The following GPR176 variants were observed in gnomAD, a reference collection of about 807,000 sequenced individuals.
GPR176 encodes the protein G protein-coupled receptor 176.
A neutral mutation model predicts 35.4 loss-of-function variants in GPR176; 26 were observed. The ratio of observed to expected loss-of-function variants is 0.74; its 90% CI spans 0.54 to 1.02. The LOEUF (loss-of-function observed/expected upper bound fraction) is 1.02, where lower values mean the gene tolerates loss of function less well. GPR176 is among the 50% of genes least tolerant of loss of function. The pLI is 0.00. For synonymous variants in GPR176, 278 were observed against 271.3 expected, an observed-to-expected ratio of 1.02 and a Z score of -0.24; for missense variants, 597 against 665.3, an observed-to-expected ratio of 0.90 and a Z score of 1.13.
intron 1 of GPR176, among the ~76,000 whole-genome samples, chr15:39,833,320 T>TA (rs1566944874): frequency 6.6e-6 from 1 of 151,898 alleles, no homozygotes; most frequent in Admixed American, 6.6e-5. Context: ...TTAAAAGGAA[T>TA]AAAAAAGAAT....
At chr15:39,816,110 G>A (rs1293850679) in intron 1 of GPR176, among the ~76,000 whole-genome samples, 2 of 152,184 alleles carry the variant, frequency 1.3e-5, no homozygotes, top group African/African-American at 4.8e-5. Context: ...AATCATAGAA[G>A]CAGAGTGTAG....
intron 1 of GPR176, among the ~76,000 whole-genome samples, chr15:39,861,615 C>T (rs2031593401): frequency 6.6e-6 from 1 of 151,932 alleles, no homozygotes; most frequent in Non-Finnish European, 1.5e-5. Context: ...CCTGGCTTTG[C>T]AAGATAAATC....
At chr15:39,894,501 AG>A (rs2033029410) in intron 1 of GPR176, 1 of 173,944 alleles carries the variant, frequency 5.7e-6, no homozygotes. Flanking sequence ...CTCACTTCTC[AG>A]AGGGGGCGGC....
chr15:39,894,286 C>T (rs1184870774), intron 1 of GPR176, among the ~76,000 whole-genome samples: 11 of 106,434 alleles, frequency 1.0e-4, no homozygotes, highest in Non-Finnish European at 1.4e-4. Context: ...CCCTCCCGGA[C>T]GGGGCGGCTG....
chr15:39,869,732 C>T (rs1294380149), intron 1 of GPR176, among the ~76,000 whole-genome samples: 1 of 152,112 alleles, frequency 6.6e-6, no homozygotes, highest in Non-Finnish European at 1.5e-5. Context: ...CAATATTAAT[C>T]CTTTACCCCA....
At chr15:39,841,699 T>C (rs2030003713) in intron 1 of GPR176, among the ~76,000 whole-genome samples, 1 of 152,138 alleles carries the variant, frequency 6.6e-6, no homozygotes, top group Admixed American at 6.5e-5. Flanking sequence ...CCTACAGAAC[T>C]GTGAGATAAT....
chr15:39,842,749 A>G (rs1200536899), intron 1 of GPR176, among the ~76,000 whole-genome samples: 1 of 152,050 alleles, frequency 6.6e-6, no homozygotes, highest in Non-Finnish European at 1.5e-5. Flanking sequence ...TATGAGAAAT[A>G]AATTTCTGTT....
Position 39,817,832 on chromosome 15 carries a change from T to C in GPR176, c.173-10574A>G, listed in dbSNP as rs184260745. ...GTGGAGCAGGGAGTATGACGGCGGG[T>C]GGGGAACCAACATTAAACAACTGAG... is the stretch of plus-strand genomic sequence containing the variant. On this transcript the variant is annotated intron_variant, in intron 1 of 2. Coordinates refer to ENST00000561100, the MANE Select transcript of GPR176 (RefSeq NM_007223.3). Among the ~76,000 whole-genome samples the C allele has an allele frequency of 2.9e-3, 437 of 152,250 alleles. 3 individuals are homozygous for C. The highest frequency in any genetic ancestry group is 1.0e-2 in the African/African-American group (415 of 41,556).
intron 1 of GPR176, among the ~76,000 whole-genome samples, chr15:39,868,737 G>C (rs1283372234): frequency 1.3e-5 from 2 of 152,094 alleles, no homozygotes; most frequent in Non-Finnish European, 2.9e-5. Flanking sequence ...TGAAATGTGG[G>C]GGACAGACCA....
At chr15:39,916,346 T>C (rs1313396803) in intron 1 of GPR176, among the ~76,000 whole-genome samples, 2 of 152,200 alleles carry the variant, frequency 1.3e-5, no homozygotes, top group Non-Finnish European at 2.9e-5. Context: ...CAAGATGTTG[T>C]ATAAAGAAGG....
At chr15:39,844,327 G>A (rs557988568) in intron 1 of GPR176, among the ~76,000 whole-genome samples, 7 of 152,108 alleles carry the variant, frequency 4.6e-5, no homozygotes, top group African/African-American at 7.2e-5. Context: ...GCTCCCAGAC[G>A]GTCTTGAAAA....
At chr15:39,881,083 C>A (rs1207478672) in intron 1 of GPR176, among the ~76,000 whole-genome samples, 2 of 152,108 alleles carry the variant, frequency 1.3e-5, no homozygotes, top group Non-Finnish European at 2.9e-5. Context: ...CCCCTCCAGC[C>A]TCACTTTTCA....
At chr15:39,838,882 G>A (rs1901572485) in intron 1 of GPR176, among the ~76,000 whole-genome samples, 1 of 152,116 alleles carries the variant, frequency 6.6e-6, no homozygotes, top group South Asian at 2.1e-4. Context: ...AGGAAAAGAG[G>A]AAGTCAAATT....
Position 39,917,378 on chromosome 15 carries a change from C to T in GPR176, c.172+2477G>A, listed in dbSNP as rs111677956. The stretch of plus-strand genomic sequence containing the variant: ...TTTTTGGAGACTCCACTCTGTTGCC[C>T]AGGCTGGAGTGCAGCAGTGAAATCC... On this transcript the variant is annotated intron_variant, in intron 1 of 2. Transcript: ENST00000561100. Among the ~76,000 whole-genome samples the T allele has an allele frequency of 7.7e-3, 1,151 of 149,616 alleles. 14 individuals are homozygous for T. The highest frequency in any genetic ancestry group is 0.036 in the South Asian group (166 of 4,666).
At chr15:39,853,393 T>C (rs2031001342) in intron 1 of GPR176, among the ~76,000 whole-genome samples, 1 of 151,966 alleles carries the variant, frequency 6.6e-6, no homozygotes, top group Non-Finnish European at 1.5e-5. Flanking sequence ...ATTGGTGGTT[T>C]CCAGGAGCTG....
At chr15:39,860,528 CCT>C (rs1170477728) in intron 1 of GPR176, among the ~76,000 whole-genome samples, 2 of 152,196 alleles carry the variant, frequency 1.3e-5, no homozygotes, top group African/African-American at 4.8e-5. Context: ...GCTTCTACTC[CCT>C]CTGTTAGCTG....
intron 2 of GPR176, among the ~76,000 whole-genome samples, chr15:39,802,662 A>T (rs1394553640): frequency 2.0e-5 from 3 of 152,220 alleles, no homozygotes; most frequent in Non-Finnish European, 4.4e-5. Flanking sequence ...TTGGTAAACA[A>T]TTTTATATGG....
intron 1 of GPR176, among the ~76,000 whole-genome samples, chr15:39,844,435 C>T (rs998990096): frequency 7.2e-5 from 11 of 152,142 alleles, no homozygotes; most frequent in African/African-American, 2.6e-4. Context: ...TCATCTACCC[C>T]AGAATCCAAA....
chr15:39,811,811 C>A (rs775587105), intron 1 of GPR176, among the ~76,000 whole-genome samples: 1 of 151,724 alleles, frequency 6.6e-6, no homozygotes, highest in South Asian at 2.1e-4. Flanking sequence ...AGCTACTCAG[C>A]AGGCTGAGGC....
Sources: allele counts gnomAD v4.1 joint callset (sites outside exome capture counted in the v4.1 genomes callset), GRCh38; gene constraint gnomAD v4.1.1; transcripts MANE v1.5; gene names NCBI Gene and HGNC (gene_info 2026-07-23, HGNC 2026-07-21).